Variants in DCDC2 observed in about 807,000 individuals in gnomAD.
DCDC2 encodes doublecortin domain containing 2, also known as doublecortin domain-containing protein 2.
Under a neutral mutation model 50.2 loss-of-function variants are expected in DCDC2, and 40 were observed. That is an observed-to-expected ratio of 0.80 (90% CI 0.62 to 1.04). The LOEUF (loss-of-function observed/expected upper bound fraction) is 1.04, where lower values mean the gene tolerates loss of function less well. Among genes scored for constraint, DCDC2 ranks in the 50% least tolerant of loss-of-function variants. DCDC2 has a pLI of 0.00. For synonymous variants in DCDC2, 234 were observed against 210.6 expected (o/e 1.11, Z -0.96); for missense variants, 570 against 581.9 (o/e 0.98, Z 0.21).
At chr6:24,187,071 A>G (rs778435903) in intron 8 of DCDC2, among the ~76,000 whole-genome samples, 2 of 152,088 alleles carry the variant, frequency 1.3e-5, no homozygotes, top group Non-Finnish European at 2.9e-5. Context: ...GCAAACTAAT[A>G]TACTAATACC....
intron 7 of DCDC2, among the ~76,000 whole-genome samples, chr6:24,221,467 G>A (rs1762116406): frequency 1.3e-5 from 2 of 152,152 alleles, no homozygotes; most frequent in South Asian, 4.1e-4. Flanking sequence ...CCACATCTCT[G>A]AAGTTTTTAC....
chr6:24,358,163 C>T (rs1484734972), upstream of DCDC2: 1 of 464,412 alleles, frequency 2.2e-6, no homozygotes, highest in Non-Finnish European at 3.9e-6. Flanking sequence ...TGGTGAAACC[C>T]AATTTCTTAC....
intron 8 of DCDC2, among the ~76,000 whole-genome samples, chr6:24,188,707 GC>G (rs1761254416): frequency 6.6e-6 from 1 of 152,074 alleles, no homozygotes; most frequent in Non-Finnish European, 1.5e-5. Flanking sequence ...ACTAGCTCAT[GC>G]CTATGAGTAA....
chr6:24,218,198 A>T (rs1232609750), intron 7 of DCDC2, among the ~76,000 whole-genome samples: 2 of 152,238 alleles, frequency 1.3e-5, no homozygotes, highest in Admixed American at 6.5e-5. Context: ...AATCAATGGG[A>T]AAAGAGATCT....
intron 8 of DCDC2, among the ~76,000 whole-genome samples, chr6:24,192,967 C>T (rs1219096009): frequency 6.6e-6 from 1 of 151,806 alleles, no homozygotes; most frequent in Non-Finnish European, 1.5e-5. Flanking sequence ...ATTTCCAGAA[C>T]ACCAGGAACA....
intron 2 of DCDC2, among the ~76,000 whole-genome samples, chr6:24,331,407 C>A (rs114093036): frequency 0.015 from 2,259 of 151,646 alleles, 19 homozygotes; most frequent in African/African-American, 0.018. Flanking sequence ...CTTAAGCGAT[C>A]TTCCTGCCTT....
chr6:24,317,468 A>G (rs975790112), intron 2 of DCDC2, among the ~76,000 whole-genome samples: 4 of 152,086 alleles, frequency 2.6e-5, no homozygotes, highest in African/African-American at 9.6e-5. Context: ...AATTCGATCC[A>G]TATCTTATAC....
intron 7 of DCDC2, among the ~76,000 whole-genome samples, chr6:24,229,075 T>C (rs945351576): frequency 6.6e-6 from 1 of 152,202 alleles, no homozygotes; most frequent in African/African-American, 2.4e-5. Flanking sequence ...TCTGTATTGG[T>C]TTCCTACAGC....
At chr6:24,231,711 C>G (rs915802091) in intron 7 of DCDC2, among the ~76,000 whole-genome samples, 2 of 151,768 alleles carry the variant, frequency 1.3e-5, no homozygotes, top group African/African-American at 4.8e-5. Flanking sequence ...TTAAAAAAAA[C>G]AGAACTGTAA....
In DCDC2 at chr6:24,294,067, C is replaced by G. The variant is rs538679654; in HGVS notation, c.558-2989G>C. On this transcript the variant is annotated intron_variant, in intron 4 of 9. Transcript: ENST00000378454. ...AATTTATAGCACTAAATGCCCACAT[C>G]AAAAAGTTGCCTGGGCATGGTGTCT... Among the ~76,000 whole-genome samples, 3 of 152,260 alleles carry G rather than the reference C, an allele frequency of 2.0e-5. No individual in the cohort carries two copies. The East Asian group carries it at 5.8e-4, about 29-fold the overall frequency.
intron 4 of DCDC2, among the ~76,000 whole-genome samples, chr6:24,298,340 G>A (rs1759305400): frequency 6.6e-6 from 1 of 152,204 alleles, no homozygotes; most frequent in Non-Finnish European, 1.5e-5. Flanking sequence ...GGGAACCCTG[G>A]AGAGTGCCTA....
chr6:24,319,466 T>C (rs551676406), intron 2 of DCDC2, among the ~76,000 whole-genome samples: 1 of 152,182 alleles, frequency 6.6e-6, no homozygotes, highest in Non-Finnish European at 1.5e-5. Flanking sequence ...TTGTCTACTT[T>C]TGTTTTGTTT....
At chr6:24,291,712 C>T (rs1191588009) in intron 4 of DCDC2, among the ~76,000 whole-genome samples, 1 of 151,894 alleles carries the variant, frequency 6.6e-6, no homozygotes, top group Non-Finnish European at 1.5e-5. Flanking sequence ...GTCTCGATCT[C>T]CTGACCTCGT....
At chr6:24,185,406 T>G (rs371995023) in intron 8 of DCDC2, among the ~76,000 whole-genome samples, 1 of 152,178 alleles carries the variant, frequency 6.6e-6, no homozygotes, top group Admixed American at 6.5e-5. Flanking sequence ...AAATGCCAAT[T>G]TGATCAATTT....
intron 2 of DCDC2, among the ~76,000 whole-genome samples, chr6:24,317,025 G>A (rs550973665): frequency 4.0e-5 from 6 of 151,374 alleles, no homozygotes; most frequent in East Asian, 3.9e-4. Context: ...ATTTGACTTC[G>A]TAAAAACAAA....
chr6:24,339,463 T>C (rs925535112), intron 2 of DCDC2, among the ~76,000 whole-genome samples: 1 of 152,144 alleles, frequency 6.6e-6, no homozygotes, highest in Non-Finnish European at 1.5e-5. Context: ...ATTTTTTTGA[T>C]GAAAGAATTT....
At chr6:24,291,477 CTTTTTTTTT>C (rs71002483) in intron 4 of DCDC2, among the ~76,000 whole-genome samples, 34 of 86,614 alleles carry the variant, frequency 3.9e-4, no homozygotes, top group East Asian at 1.5e-3. Flanking sequence ...TTTGTTAATA[CTTTTTTTTT>C]TTTTTTTTTT....
intron 2 of DCDC2, among the ~76,000 whole-genome samples, chr6:24,330,899 T>C (rs372251860): frequency 1.8e-4 from 28 of 152,306 alleles, no homozygotes; most frequent in African/African-American, 6.0e-4. Context: ...AAACTAGGCA[T>C]TTTTATCGTT....
Position 24,196,968 on chromosome 6 carries a change from A to C in DCDC2, c.1023+8034T>G, listed in dbSNP as rs1295764499. Among the ~76,000 whole-genome samples the C allele has an allele frequency of 4.6e-5, 7 of 152,222 alleles. No homozygotes were observed. In the East Asian group the frequency reaches 1.3e-3, roughly 29 times the overall value. ...AGCTGCTTAGGATGTAAACGTCAGC[A>C]GACCATAGAGAATGGCTGTAACCTG... On this transcript the variant is annotated intron_variant, in intron 8 of 9. Transcript: ENST00000378454.
Sources: gnomAD v4.1 joint callset for allele counts (sites outside exome capture counted in the v4.1 genomes callset) on GRCh38, gnomAD v4.1.1 for gene constraint, MANE v1.5 for transcripts, NCBI Gene and HGNC (gene_info 2026-07-23, HGNC 2026-07-21) for gene names.